WDSUB1: variants seen among roughly 807,000 people sequenced by gnomAD.
WDSUB1 encodes WD repeat, sterile alpha motif and U-box domain containing 1, also known as WD repeat, SAM and U-box domain-containing protein 1.
Under a neutral mutation model 53.9 loss-of-function variants are expected in WDSUB1, and 49 were observed. The observed-to-expected ratio is 0.91, with a 90% CI of 0.72 to 1.15. WDSUB1 has a LOEUF of 1.15. WDSUB1 is among the 50% of genes most tolerant of loss of function. The pLI, the probability that WDSUB1 is intolerant of heterozygous loss-of-function variation, is 0.00. For missense variants in WDSUB1, 514 were observed against 562.0 expected, an observed-to-expected ratio of 0.91 and a Z score of 0.86; for synonymous variants, 194 against 200.6, an observed-to-expected ratio of 0.97 and a Z score of 0.28.
intron 10 of WDSUB1, among the ~76,000 whole-genome samples, chr2:159,243,713 A>G (rs1214007355): frequency 6.6e-6 from 1 of 152,222 alleles, no homozygotes; most frequent in East Asian, 1.9e-4. Flanking sequence ...GGGCATAGAA[A>G]GTGATTTAAC....
At chr2:159,238,901 AC>A (rs1224899272) in intron 10 of WDSUB1, among the ~76,000 whole-genome samples, 2 of 151,484 alleles carry the variant, frequency 1.3e-5, no homozygotes, top group African/African-American at 4.8e-5. Flanking sequence ...GAGTCTTCCT[AC>A]CCCTCAGCAT....
rs2061700321 is a variant in WDSUB1 at position 159,282,944 on chromosome 2, A to G, written c.126T>C (p.Phe42=). 1 of 1,614,092 alleles carries G rather than the reference A, an allele frequency of 6.2e-7. No homozygotes were observed. The highest frequency in any genetic ancestry group is 1.3e-5 in the African/African-American group (1 of 74,944). ...TCAATGGAGAATGTGGCAGTTCAGTAAAGTCACGTAACGAGTACAGGCGAA... is the reference window on the plus strand; with the variant it reads ...TCAATGGAGAATGTGGCAGTTCAGTGAAGTCACGTAACGAGTACAGGCGAA... ...KTIRLYSLRD[F]TELPHSPLKF... is the part of the protein sequence containing the mutation. Residue 42 remains phenylalanine (F), a synonymous_variant, in exon 2 of 11, where the codon TTT becomes TTC. Coordinates refer to ENST00000359774, the MANE Select transcript of WDSUB1 (RefSeq NM_001128212.3).
At chr2:159,272,132 C>T (rs962136972) in intron 4 of WDSUB1, among the ~76,000 whole-genome samples, 2 of 152,312 alleles carry the variant, frequency 1.3e-5, no homozygotes, top group Non-Finnish European at 2.9e-5. Context: ...CAGCCCGCTG[C>T]GTACATACAG....
chr2:159,261,890 ATATATATTTTTTTT>A (rs2061228392), intron 5 of WDSUB1, among the ~76,000 whole-genome samples: 1 of 13,662 alleles, frequency 7.3e-5, no homozygotes, highest in African/African-American at 4.3e-4. Context: ...ATATATATAT[ATATATATTTTTTTT>A]TTTTTTTTTT....
chr2:159,281,196 T>C (rs1435509489), intron 2 of WDSUB1, among the ~76,000 whole-genome samples: 1 of 152,156 alleles, frequency 6.6e-6, no homozygotes, highest in Non-Finnish European at 1.5e-5. Flanking sequence ...TAAAAGCGCA[T>C]GGTTTCTAAT....
Position 159,248,208 on chromosome 2 carries a change from C to T in WDSUB1, c.1273+164G>A, listed in dbSNP as rs867674268. Among the ~76,000 whole-genome samples the T allele has an allele frequency of 1.1e-4, 17 of 152,024 alleles. No individual in the cohort carries two copies. The South Asian group carries it at 1.7e-3, about 15-fold the overall frequency. On this transcript the variant is annotated intron_variant, in intron 10 of 10. Coordinates refer to ENST00000359774, the MANE Select transcript of WDSUB1 (RefSeq NM_001128212.3). ...ACTCCACAACTACTCTGTTCAATTT[C>T]ATTATGAAATATACAATATTCATTT...
At chr2:159,250,836 G>A (rs945521211) in intron 9 of WDSUB1, among the ~76,000 whole-genome samples, 5 of 152,250 alleles carry the variant, frequency 3.3e-5, no homozygotes, top group East Asian at 1.9e-4. Flanking sequence ...AAAATCTGTC[G>A]TGACTGGGGT....
At chr2:159,248,648 G>T in intron 9 of WDSUB1, 136 bp from the exon 10 acceptor site, 1 of 1,052,374 alleles carries the variant, frequency 9.5e-7, no homozygotes, top group Non-Finnish European at 1.3e-6. Context: ...TTTTGCCCAG[G>T]CTGGAGTGCA....
intron 10 of WDSUB1, among the ~76,000 whole-genome samples, chr2:159,244,514 A>G (rs997010582): frequency 6.6e-5 from 10 of 152,196 alleles, no homozygotes; most frequent in African/African-American, 2.2e-4. Context: ...GCATCCACAG[A>G]CTTTTGTGTT....
chr2:159,252,409 C>A (rs2060970807), intron 9 of WDSUB1, among the ~76,000 whole-genome samples: 1 of 152,188 alleles, frequency 6.6e-6, no homozygotes. Context: ...AAGCCATTAA[C>A]AGCCATAAAG....
At chr2:159,278,250 T>C in intron 3 of WDSUB1, among the ~76,000 whole-genome samples, 1 of 152,148 alleles carries the variant, frequency 6.6e-6, no homozygotes, top group South Asian at 2.1e-4. Flanking sequence ...CAGAACAATA[T>C]ACTAAAAGAA....
At chr2:159,286,468 C>A (rs2061802281) in intron 1 of WDSUB1, 115 bp downstream of exon 1, 1 of 152,288 alleles carries the variant, frequency 6.6e-6, no homozygotes, top group African/African-American at 2.4e-5. Flanking sequence ...GGCCCTGCTG[C>A]GCGGTTAGAA....
At chr2:159,274,168 G>C (rs2061494539) in intron 4 of WDSUB1, among the ~76,000 whole-genome samples, 2 of 152,160 alleles carry the variant, frequency 1.3e-5, no homozygotes, top group African/African-American at 2.4e-5. Context: ...AGCATACAAA[G>C]AGACAGGGGT....
chr2:159,270,284 C>T (rs1014654812), intron 5 of WDSUB1, among the ~76,000 whole-genome samples: 3 of 152,122 alleles, frequency 2.0e-5, no homozygotes, highest in South Asian at 2.1e-4. Context: ...GATTACAAGA[C>T]CAATATCATA....
chr2:159,239,504 G>T (rs1048289439), intron 10 of WDSUB1, among the ~76,000 whole-genome samples: 1 of 129,530 alleles, frequency 7.7e-6, no homozygotes, highest in Non-Finnish European at 1.5e-5. Flanking sequence ...AGTTTTTTTT[G>T]GTGGGGGGGC....
intron 9 of WDSUB1, 133 bp from the exon 10 acceptor site, chr2:159,248,645 C>T (rs2060877508): frequency 9.3e-7 from 1 of 1,080,558 alleles, no homozygotes; most frequent in African/African-American, 1.7e-5. Context: ...CTCTTTTGCC[C>T]AGGCTGGAGT....
intron 4 of WDSUB1, among the ~76,000 whole-genome samples, chr2:159,274,490 G>T (rs557179064): frequency 1.8e-4 from 28 of 152,210 alleles, no homozygotes; most frequent in African/African-American, 6.3e-4. Flanking sequence ...AAAATGAACT[G>T]ACTGACTGTA....
intron 9 of WDSUB1, among the ~76,000 whole-genome samples, chr2:159,255,475 A>C (rs2061042470): frequency 1.3e-5 from 2 of 150,380 alleles, no homozygotes; most frequent in Admixed American, 6.6e-5. Flanking sequence ...TCAAAAATAA[A>C]TAAATAAAAT....
chr2:159,256,443 A>T, intron 8 of WDSUB1, 68 bp from the exon 9 acceptor site: 1 of 1,480,308 alleles, frequency 6.8e-7, no homozygotes, highest in Non-Finnish European at 9.2e-7. Context: ...TCTCACTTTG[A>T]ATTAAAAGTA....
Sources: gnomAD v4.1 joint callset for allele counts (sites outside exome capture counted in the v4.1 genomes callset) on GRCh38, gnomAD v4.1.1 for gene constraint, MANE v1.5 for transcripts, NCBI Gene and HGNC (gene_info 2026-07-23, HGNC 2026-07-21) for gene names.